F5: variants seen among roughly 807,000 people sequenced by gnomAD.
F5 encodes the protein coagulation factor V, also known as activated protein c cofactor.
A neutral mutation model predicts 216.4 loss-of-function variants in F5; 138 were observed. That is an observed-to-expected ratio of 0.64 (90% CI 0.56 to 0.73). The LOEUF is 0.73. F5 is among the 30% of genes least tolerant of loss of function. The pLI is 0.00. For synonymous variants in F5, 916 were observed against 930.7 expected, an observed-to-expected ratio of 0.98 and a Z score of 0.29; for missense variants, 2,403 against 2,674.0, an observed-to-expected ratio of 0.90 and a Z score of 2.24.
At chr1:169,558,618 T>C (rs3766117) in intron 5 of F5, among the ~76,000 whole-genome samples, 53,907 of 152,014 alleles carry the variant, frequency 0.35, 13,524 homozygotes, top group African/African-American at 0.69. Context: ...AAGTGGGAAT[T>C]AGTTATTTTT....
chr1:169,546,466 A>T lies in F5; in HGVS notation c.1738T>A (p.Phe580Ile), dbSNP rs772005516. The change falls in exon 11 of 25, where the codon TTT becomes ATT. Residue 580 changes from phenylalanine (F) to isoleucine (I), a missense_variant. Phe to Ile is a conservative substitution (Grantham distance 21). Coordinates refer to ENST00000367797, the MANE Select transcript of F5 (RefSeq NM_000130.5). ...PDEVKRDDPKFYESNIMSTIN... is the reference protein window; with the variant it reads ...PDEVKRDDPKIYESNIMSTIN... ...CTGCTCATGATGTTTGATTCATAAA[A>T]CTTGGGGTCATCACGTTTCACCTCA... 6.2e-7 allele frequency: 1 copy of T among 1,614,156 alleles called. No homozygotes were observed. Among genetic ancestry groups the T allele is most frequent in the Non-Finnish European group, 8.5e-7 (1 of 1,180,008 alleles).
chr1:169,531,321 T>C (rs1659592645), intron 14 of F5, among the ~76,000 whole-genome samples: 1 of 152,200 alleles, frequency 6.6e-6, no homozygotes, highest in South Asian at 2.1e-4. Context: ...TGAAAGAAGC[T>C]TGATTCTTGT....
At position 169,562,481 on chromosome 1, in the gene F5, T is replaced by C. The variant is rs551764520; in HGVS notation, c.374-1715A>G. ...CATTTACTTTTAATGTAATTGATGATATGGTTGAATTTAAAACTGCCATCT... is the reference window on the plus strand; with the variant it reads ...CATTTACTTTTAATGTAATTGATGACATGGTTGAATTTAAAACTGCCATCT... On this transcript the variant is annotated intron_variant, in intron 3 of 24. Transcript: ENST00000367797. Among the ~76,000 whole-genome samples, 6 of 152,200 alleles carry C rather than the reference T, an allele frequency of 3.9e-5. No homozygotes were observed. In the South Asian group the frequency reaches 8.3e-4, roughly 21 times the overall value.
Position 169,540,303 on chromosome 1 carries a change from A to ATAAT in F5, c.4786_4787insATTA (p.Phe1596TyrfsTer10). 6.2e-7 allele frequency: 1 copy of ATAAT among 1,613,830 alleles called. No homozygotes were observed. The highest frequency in any genetic ancestry group is 8.5e-7 in the Non-Finnish European group (1 of 1,179,816). The stretch of plus-strand genomic sequence containing the variant: ...AGAAAACTGGCCAAACCTTTGTACA[A>ATAAT]ATTCTGAATAATCCCAGGATATTTC... On this transcript the variant is annotated frameshift_variant, in exon 13 of 25. Coordinates refer to ENST00000367797, the MANE Select transcript of F5 (RefSeq NM_000130.5). LOFTEE classifies it high-confidence loss of function.
At position 169,540,906 on chromosome 1, in the gene F5, G is replaced by A; in HGVS notation, c.4184C>T (p.Ala1395Val). Residue 1395 changes from alanine (A) to valine (V), a missense_variant, in exon 13 of 25, where the codon GCA becomes GTA. By Grantham distance (64) the Ala-to-Val change is moderately conservative. This residue lies in a region of F5 where 293 missense variants were observed against 270.8 expected (regional missense o/e 1.08). Transcript: ENST00000367797. ...GGTAAGGGGAATTTGACTGAGATCT[G>A]CAAAGAGGGGCATCTCACTGAGGTC... ...SPDLSEMPLF[A>V]DLSQIPLTPD... 1 of 1,611,804 alleles carries A rather than the reference G, an allele frequency of 6.2e-7. No homozygotes were observed. Among genetic ancestry groups the A allele is most frequent in the Non-Finnish European group, 8.5e-7 (1 of 1,179,162 alleles).
At chr1:169,533,023 AACAG>A (rs1355801108) in intron 14 of F5, among the ~76,000 whole-genome samples, 1 of 152,228 alleles carries the variant, frequency 6.6e-6, no homozygotes, top group Non-Finnish European at 1.5e-5. Context: ...CTGATACAAA[AACAG>A]ACACATAGGC....
At chr1:169,521,791 T>A (rs913733959) in intron 21 of F5, among the ~76,000 whole-genome samples, 31 of 151,594 alleles carry the variant, frequency 2.0e-4, no homozygotes, top group Middle Eastern at 3.4e-3. Context: ...TAATTTTTTT[T>A]AATATTTTTA....
At position 169,572,316 on chromosome 1, in the gene F5, T is replaced by A. The variant is rs1437813640; in HGVS notation, c.278A>T (p.Glu93Val). The change falls in exon 3 of 25, where the codon GAA (glutamate) becomes GTA (valine). Residue 93 changes from glutamate to valine, a missense_variant. Glu to Val is a moderately radical substitution (Grantham distance 121). Around this residue, in one of 4 missense-constraint regions of F5, gnomAD observed 1,425 missense variants for 1,554.8 expected, o/e 0.92. Coordinates refer to ENST00000367797, the MANE Select transcript of F5 (RefSeq NM_000130.5). ...SGLLGPTLYAEVGDIIKVHFK... is the reference protein window; with the variant it reads ...SGLLGPTLYAVVGDIIKVHFK... ...GTGAACTTTTATGATGTCTCCGACTTCAGCATATAAAGTAGGCCCAAGAAG... is the reference window on the plus strand; with the variant it reads ...GTGAACTTTTATGATGTCTCCGACTACAGCATATAAAGTAGGCCCAAGAAG... The A allele has an allele frequency of 6.2e-7, 1 of 1,613,376 alleles. No homozygotes were observed. Among genetic ancestry groups the A allele is most frequent in the Non-Finnish European group, 8.5e-7 (1 of 1,179,664 alleles).
chr1:169,550,578 GA>G, intron 9 of F5, 61 bp downstream of exon 9: 2 of 1,304,046 alleles, frequency 1.5e-6, no homozygotes, highest in Non-Finnish European at 2.2e-6. Flanking sequence ...GAGAATAGCA[GA>G]AAAATGTGGC....
Position 169,527,963 on chromosome 1 carries a change from C to T in F5, c.5551G>A (p.Glu1851Lys). The T allele has an allele frequency of 6.2e-7, 1 of 1,613,754 alleles. No homozygotes were observed. Among genetic ancestry groups the T allele is most frequent in the Non-Finnish European group, 8.5e-7 (1 of 1,179,806 alleles). The change falls in exon 17 of 25, where the codon GAA (glutamate) becomes AAA (lysine). Residue 1851 changes from glutamate (E) to lysine (K), a missense_variant. By Grantham distance (56) the Glu-to-Lys change is moderately conservative (BLOSUM62 1). This residue lies in a region of F5 where 659 missense variants were observed against 787.9 expected (regional missense o/e 0.84). Transcript: ENST00000367797. Reference protein sequence around the residue: ...VVHFHGQTLLENGNKQHQLGV... With the variant: ...VVHFHGQTLLKNGNKQHQLGV... ...AACTGGTGCTGTTTATTGCCATTTTCCAGCAAGGTCTGGCCGTGAAAGTGA... is the reference window on the plus strand; with the variant it reads ...AACTGGTGCTGTTTATTGCCATTTTTCAGCAAGGTCTGGCCGTGAAAGTGA...
At chr1:169,560,981 T>C (rs1052141785) in intron 3 of F5, among the ~76,000 whole-genome samples, 5 of 152,192 alleles carry the variant, frequency 3.3e-5, no homozygotes, top group African/African-American at 7.2e-5. Flanking sequence ...GAATAACAAA[T>C]GTTATTTGTA....
rs767635351 is a variant in F5 at position 169,541,724 on chromosome 1, G to T, written c.3366C>A (p.Pro1122=). The change falls in exon 13 of 25, where the codon CCC becomes CCA. Residue 1122 remains proline, a synonymous_variant. Transcript: ENST00000367797. ...GGAATGTTTGATAGTGTTCCTCTGG[G>T]GGCACTGTCTGATAAAGACCTGGAG... ...SCPPGLYQTV[P]PEEHYQTFPI... 6.2e-7 allele frequency: 1 copy of T among 1,614,004 alleles called. No homozygotes were observed. Among genetic ancestry groups the T allele is most frequent in the Non-Finnish European group, 8.5e-7 (1 of 1,179,970 alleles).
Position 169,572,296 on chromosome 1 carries a change from C to T in F5, c.298G>A (p.Val100Ile), listed in dbSNP as rs1305895983. The stretch of plus-strand genomic sequence containing the variant: ...TTATCTGCCTTATTTTTAAAGTGAA[C>T]TTTTATGATGTCTCCGACTTCAGCA... ...LYAEVGDIIKVHFKNKADKPL... is the reference protein window; with the variant it reads ...LYAEVGDIIKIHFKNKADKPL... Residue 100 changes from valine to isoleucine, a missense_variant, in exon 3 of 25, where the codon GTT becomes ATT. This residue lies in a region of F5 where 1,425 missense variants were observed against 1,554.8 expected (regional missense o/e 0.92). Transcript: ENST00000367797. 1.2e-6 allele frequency: 2 copies of T among 1,613,316 alleles called. No individual in the cohort carries two copies. The highest frequency in any genetic ancestry group is 1.7e-5 in the Admixed American group (1 of 59,950).
chr1:169,572,835 G>A (rs1469959543), intron 2 of F5, among the ~76,000 whole-genome samples: 9 of 152,110 alleles, frequency 5.9e-5, no homozygotes, highest in East Asian at 3.9e-4. Flanking sequence ...AAAACAGTAC[G>A]GGAAGAAAGA....
chr1:169,564,378 C>G (rs1220274114), intron 3 of F5, among the ~76,000 whole-genome samples: 1 of 152,048 alleles, frequency 6.6e-6, no homozygotes, highest in Non-Finnish European at 1.5e-5. Context: ...TTGAGCTTCT[C>G]CGAAGTCCAA....
rs1557926377 is a variant in F5 at position 169,560,774 on chromosome 1, A to T, written c.374-8T>A. ...GGTCAAGGTAAGAAGCACCTGGAGG[A>T]GTAACAGCCATCAAGACATGTGGGC... On this transcript the variant is annotated splice_polypyrimidine_tract_variant and splice_region_variant and intron_variant, in intron 3 of 24. Transcript: ENST00000367797. 6.2e-7 allele frequency: 1 copy of T among 1,611,524 alleles called. No homozygotes were observed. The highest frequency in any genetic ancestry group is 2.2e-5 in the East Asian group (1 of 44,824).
intron 3 of F5, among the ~76,000 whole-genome samples, chr1:169,562,778 C>A (rs1248352835): frequency 3.3e-5 from 5 of 151,976 alleles, no homozygotes; most frequent in East Asian, 3.9e-4. Flanking sequence ...TATTGTCATA[C>A]ATTTTATTTA....
At chr1:169,525,351 G>GA (rs9332638) in intron 18 of F5, among the ~76,000 whole-genome samples, 2 of 151,932 alleles carry the variant, frequency 1.3e-5, no homozygotes, top group Admixed American at 6.6e-5. Flanking sequence ...ATAAAAATAT[G>GA]AAAAAAAGTT....
At position 169,557,139 on chromosome 1, in the gene F5, G is replaced by C. The variant is rs907908961; in HGVS notation, c.731-272C>G. Among the ~76,000 whole-genome samples the C allele has an allele frequency of 2.6e-5, 4 of 152,318 alleles. No individual in the cohort carries two copies. In the South Asian group the frequency reaches 8.3e-4, roughly 32 times the overall value. ...GTGGATGTGAACTCAAAAACACAGG[G>C]ATTGCTAAAGGATTAGGCCAAGAAG... On this transcript the variant is annotated intron_variant, in intron 5 of 24. Transcript: ENST00000367797.
Sources: allele counts gnomAD v4.1 joint callset (sites outside exome capture counted in the v4.1 genomes callset), GRCh38; gene constraint gnomAD v4.1.1; regional missense constraint gnomAD v4.1.1; transcripts MANE v1.5; gene names NCBI Gene and HGNC (gene_info 2026-07-23, HGNC 2026-07-21).